The following SHISA9 variants were observed in gnomAD, a reference collection of about 807,000 sequenced individuals.
The protein encoded by SHISA9 is protein shisa-9.
A neutral mutation model predicts 38.0 loss-of-function variants in SHISA9; 13 were observed. The ratio of observed to expected loss-of-function variants is 0.34; its 90% CI spans 0.22 to 0.54. The LOEUF (loss-of-function observed/expected upper bound fraction) is 0.54, where lower values mean the gene tolerates loss of function less well. Among genes scored for constraint, SHISA9 ranks in the 20% least tolerant of loss-of-function variants. The pLI is 0.91. For synonymous variants in SHISA9, 275 were observed against 242.0 expected (o/e 1.14, Z -1.27); for missense variants, 538 against 575.8 (o/e 0.93, Z 0.67).
chr16:13,009,790 C>T (rs969094834), intron 2 of SHISA9, among the ~76,000 whole-genome samples: 7 of 152,206 alleles, frequency 4.6e-5, no homozygotes, highest in African/African-American at 1.4e-4. Context: ...AATGGCTCTG[C>T]AGATGCCCTG....
the SHISA9 span, among the ~76,000 whole-genome samples, chr16:13,457,494 C>T: frequency 6.6e-6 from 1 of 151,952 alleles, no homozygotes; most frequent in Non-Finnish European, 1.5e-5. Flanking sequence ...ATAGCACCAC[C>T]TATATAGGAA....
At chr16:12,997,648 T>G (rs1230465594) in intron 2 of SHISA9, among the ~76,000 whole-genome samples, 1 of 152,052 alleles carries the variant, frequency 6.6e-6, no homozygotes, top group Admixed American at 6.6e-5. Flanking sequence ...TCAGGTGATC[T>G]GCCCACCTCA....
In SHISA9 at chr16:12,915,995, T is replaced by TTG. The variant is rs1365043977; in HGVS notation, c.564-677_564-676dup. ...TACGTATGAACACTGAGTTTTTTTTTTGTGTGTGTGTGTGTGTTTTTTTTT... is the reference window on the plus strand; with the variant it reads ...TACGTATGAACACTGAGTTTTTTTTTTGTGTGTGTGTGTGTGTGTTTTTTTTT... On this transcript the variant is annotated intron_variant, in intron 1 of 4. Transcript: ENST00000558583. 3.1e-3 allele frequency among the ~76,000 whole-genome samples: 292 copies of TTG among 94,458 alleles called. 2 individuals are homozygous for TTG. In the East Asian group the frequency reaches 0.037, roughly 12 times the overall value. 62.0% of individuals were successfully genotyped at this position (94,458 alleles called of 152,430 possible). A position where few individuals can be genotyped will look rare whatever the true frequency, so the allele number is the denominator to read the frequency against.
At chr16:13,481,353 A>G in the SHISA9 span, among the ~76,000 whole-genome samples, 1 of 152,232 alleles carries the variant, frequency 6.6e-6, no homozygotes, top group Non-Finnish European at 1.5e-5. Context: ...TGGAAAAAGT[A>G]CAACTCATTT....
intron 2 of SHISA9, among the ~76,000 whole-genome samples, chr16:13,118,913 G>A (rs1021618752): frequency 6.6e-6 from 1 of 151,824 alleles, no homozygotes; most frequent in African/African-American, 2.4e-5. Context: ...TGTATTTTTA[G>A]TAGAGACGGG....
the SHISA9 span, among the ~76,000 whole-genome samples, chr16:13,498,280 A>G: frequency 6.6e-6 from 1 of 152,194 alleles, no homozygotes; most frequent in Non-Finnish European, 1.5e-5. Context: ...AAAATCAAAC[A>G]AATAGAAGGA....
chr16:13,519,861 C>T, the SHISA9 span, among the ~76,000 whole-genome samples: 1 of 152,108 alleles, frequency 6.6e-6, no homozygotes, highest in Non-Finnish European at 1.5e-5. Flanking sequence ...TCAATTACCT[C>T]CTACCGGGTC....
intron 2 of SHISA9, among the ~76,000 whole-genome samples, chr16:13,178,986 G>A (rs1352519486): frequency 3.9e-5 from 6 of 152,152 alleles, no homozygotes; most frequent in Admixed American, 3.9e-4. Context: ...TTGAGTTGTT[G>A]ATGTCTAAGG....
the SHISA9 span, among the ~76,000 whole-genome samples, chr16:13,544,774 C>G: frequency 6.6e-6 from 1 of 151,994 alleles, no homozygotes; most frequent in African/African-American, 2.4e-5. Context: ...GAAACCCTGT[C>G]TTTACTAAAA....
chr16:13,325,727 G>A, the SHISA9 span, among the ~76,000 whole-genome samples: 7 of 152,070 alleles, frequency 4.6e-5, no homozygotes, highest in African/African-American at 9.7e-5. Context: ...AGCCATAAAA[G>A]GAATGAGTTC....
intron 2 of SHISA9, among the ~76,000 whole-genome samples, chr16:13,104,862 CTT>C (rs954498888): frequency 1.3e-5 from 2 of 152,156 alleles, no homozygotes; most frequent in African/African-American, 2.4e-5. Flanking sequence ...ATCAATAAAA[CTT>C]TTTATTTTTT....
chr16:13,443,039 G>A, the SHISA9 span, among the ~76,000 whole-genome samples: 1 of 152,136 alleles, frequency 6.6e-6, no homozygotes, highest in African/African-American at 2.4e-5. Context: ...ACTCACTGAG[G>A]GGCAAAAGCA....
At chr16:12,945,625 A>G (rs1462106401) in intron 2 of SHISA9, among the ~76,000 whole-genome samples, 1 of 152,230 alleles carries the variant, frequency 6.6e-6, no homozygotes, top group Non-Finnish European at 1.5e-5. Context: ...CTTACTAGTT[A>G]TGTGGCCTTG....
At chr16:13,051,297 A>G (rs912350795) in intron 2 of SHISA9, among the ~76,000 whole-genome samples, 1 of 152,242 alleles carries the variant, frequency 6.6e-6, no homozygotes, top group Non-Finnish European at 1.5e-5. Context: ...TCCCATTTAT[A>G]AAAGCATCAG....
chr16:12,907,133 C>G (rs1383446099), intron 1 of SHISA9, among the ~76,000 whole-genome samples: 1 of 87,082 alleles, frequency 1.1e-5, no homozygotes, highest in Non-Finnish European at 2.1e-5. Flanking sequence ...TTCTTCTTTT[C>G]TTCCTTTCCC....
At chr16:13,551,935 G>A in the SHISA9 span, among the ~76,000 whole-genome samples, 16 of 152,240 alleles carry the variant, frequency 1.1e-4, 1 homozygote, top group East Asian at 2.9e-3. Flanking sequence ...GCTGAGGCAG[G>A]AGAAATGCTT....
chr16:13,118,745 T>TC (rs1376392489), intron 2 of SHISA9, among the ~76,000 whole-genome samples: 192 of 150,718 alleles, frequency 1.3e-3, no homozygotes, highest in African/African-American at 4.4e-3. Context: ...TTTTTTTTTT[T>TC]TGAGACAGAG....
chr16:13,381,085 T>C, the SHISA9 span, among the ~76,000 whole-genome samples: 2 of 151,952 alleles, frequency 1.3e-5, no homozygotes, highest in African/African-American at 4.8e-5. Flanking sequence ...GACATTTGGG[T>C]TGGTTCCAAG....
the SHISA9 span, among the ~76,000 whole-genome samples, chr16:13,248,981 T>C: frequency 6.6e-6 from 1 of 152,056 alleles, no homozygotes; most frequent in South Asian, 2.1e-4. Context: ...ATGAGTCGAG[T>C]CATTCACCAA....
Sources: gnomAD v4.1 joint callset for allele counts (sites outside exome capture counted in the v4.1 genomes callset) on GRCh38, gnomAD v4.1.1 for gene constraint, MANE v1.5 for transcripts, NCBI Gene and HGNC (gene_info 2026-07-23, HGNC 2026-07-21) for gene names.